STEAP1: variants seen among roughly 807,000 people sequenced by gnomAD.
STEAP1 encodes STEAP1 protein.
Under a neutral mutation model 34.4 loss-of-function variants are expected in STEAP1, and 30 were observed. That is an observed-to-expected ratio of 0.87 (90% CI 0.65 to 1.18). The LOEUF is 1.18. Among genes scored for constraint, STEAP1 ranks in the 50% most tolerant of loss-of-function variants. The pLI, the probability that STEAP1 is intolerant of heterozygous loss-of-function variation, is 0.00. For missense variants in STEAP1, 318 were observed against 391.1 expected, an observed-to-expected ratio of 0.81 and a Z score of 1.58; for synonymous variants, 116 against 135.3, an observed-to-expected ratio of 0.86 and a Z score of 0.99.
At chr7:90,159,683 T>G in intron 1 of STEAP1, 75 bp from the exon 2 acceptor site, 1 of 818,598 alleles carries the variant, frequency 1.2e-6, no homozygotes. Flanking sequence ...AGTAAGTAAA[T>G]TTTTTATATT....
intron 1 of STEAP1, among the ~76,000 whole-genome samples, chr7:90,157,495 A>G (rs372334406): frequency 2.1e-3 from 320 of 152,342 alleles, no homozygotes; most frequent in African/African-American, 7.2e-3. Context: ...AAGCCAATCA[A>G]TGGGAAAACA....
chr7:90,163,062 C>T (rs755593172), intron 4 of STEAP1: 1 of 406,674 alleles, frequency 2.5e-6, no homozygotes, highest in South Asian at 1.8e-5. Flanking sequence ...CAGTCATGAA[C>T]ACTGCCAATT....
At position 90,161,247 on chromosome 7, in the gene STEAP1, C is replaced by G; in HGVS notation, c.527C>G (p.Ala176Gly). 2 of 1,614,090 alleles carry G rather than the reference C, an allele frequency of 1.2e-6. No individual in the cohort carries two copies. The highest frequency in any genetic ancestry group is 2.2e-5 in the East Asian group (1 of 44,876). ...LLSFFFAVLH[A>G]IYSLSYPMRR... ...AGTTTCTTTTTTGCTGTACTGCATG[C>G]AATTTATAGTCTGTCTTACCCAATG... is the stretch of plus-strand genomic sequence containing the variant. The change falls in exon 3 of 5, where the codon GCA becomes GGA. Residue 176 changes from alanine (A) to glycine (G), a missense_variant. Physicochemically the swap from Ala to Gly is moderately conservative, Grantham distance 60. Transcript: ENST00000297205.
Position 90,162,007 on chromosome 7 carries a change from G to A in STEAP1, c.691G>A (p.Ala231Thr), listed in dbSNP as rs1175312589. 6.2e-7 allele frequency: 1 copy of A among 1,613,858 alleles called. No homozygotes were observed. Residue 231 changes from alanine (A) to threonine (T), a missense_variant, in exon 4 of 5, where the codon GCT (alanine) becomes ACT (threonine). Transcript: ENST00000297205. The stretch of plus-strand genomic sequence containing the variant: ...GGGAATTGTGGGATTGGCAATACTG[G>A]CTCTGTTGGCTGTGACATCTATTCC... ...SLGIVGLAIL[A>T]LLAVTSIPSV...
intron 1 of STEAP1, 86 bp from the exon 2 acceptor site, chr7:90,159,672 A>C (rs1486401153): frequency 1.5e-6 from 1 of 667,712 alleles, no homozygotes; most frequent in Non-Finnish European, 2.2e-6. Context: ...TCTAGTCTTT[A>C]AGTAAGTAAA....
chr7:90,157,637 T>C lies in STEAP1; in HGVS notation c.-31-2121T>C, dbSNP rs528301202. ...CTCCAAATGGAGGAAATGTTTTAAATCAGAAAAGAATGTGGGCAAACTAAA... is the reference window on the plus strand; with the variant it reads ...CTCCAAATGGAGGAAATGTTTTAAACCAGAAAAGAATGTGGGCAAACTAAA... On this transcript the variant is annotated intron_variant, in intron 1 of 4. Transcript: ENST00000297205. Among the ~76,000 whole-genome samples the C allele has an allele frequency of 6.4e-3, 971 of 152,248 alleles. 11 individuals carry two copies. The highest frequency in any genetic ancestry group is 0.021 in the African/African-American group (864 of 41,540).
Position 90,160,961 on chromosome 7 carries a change from A to G in STEAP1, c.241A>G (p.Ile81Val). Residue 81 changes from isoleucine to valine, a missense_variant, in exon 3 of 5, where the codon ATA becomes GTA. Physicochemically the swap from Ile to Val is conservative, Grantham distance 29 (BLOSUM62 3). Transcript: ENST00000297205. ...CTTGCCAATTAAAATAGCTGCTATT[A>G]TAGCATCTCTGACTTTTCTTTACAC... is the stretch of plus-strand genomic sequence containing the variant. ...WHLPIKIAAI[I>V]ASLTFLYTLL... is the part of the protein sequence containing the mutation. 7 of 1,614,044 alleles carry G rather than the reference A, an allele frequency of 4.3e-6. No homozygotes were observed. Among genetic ancestry groups the G allele is most frequent in the Non-Finnish European group, 5.9e-6 (7 of 1,179,870 alleles).
At chr7:90,161,483 G>A (rs1164055032) in intron 3 of STEAP1, among the ~76,000 whole-genome samples, 166 bp downstream of exon 3, 2 of 152,280 alleles carry the variant, frequency 1.3e-5, no homozygotes, top group South Asian at 2.1e-4. Context: ...TTGGTTGTCA[G>A]TCGGTTTTAT....
chr7:90,163,037 G>A (rs11563328), intron 4 of STEAP1: 63,764 of 427,684 alleles, frequency 0.15, 5,629 homozygotes, highest in Middle Eastern at 0.21. Context: ...AAGATTCAAA[G>A]GACTAAATTT....
intron 1 of STEAP1, among the ~76,000 whole-genome samples, chr7:90,155,269 AAC>A (rs916258429): frequency 1.3e-5 from 2 of 152,196 alleles, no homozygotes; most frequent in Non-Finnish European, 2.9e-5. Context: ...GAAAAAAAAA[AAC>A]AAAAAACTCG....
In STEAP1 at chr7:90,161,315, C is replaced by T. The variant is rs1486283275; in HGVS notation, c.595C>T (p.Gln199Ter). The T allele has an allele frequency of 3.1e-6, 5 of 1,611,262 alleles. No individual in the cohort carries two copies. Among genetic ancestry groups the T allele is most frequent in the Non-Finnish European group, 4.2e-6 (5 of 1,178,240 alleles). ...CAAGTTGCTAAACTGGGCATATCAA[C>T]AGGTAAGATGACAGTGTTGACACTG... The part of the protein sequence containing the change: ...RYKLLNWAYQ[Q>*]VQQNKEDAWI... The change falls in exon 3 of 5, where the codon CAG becomes TAG. Residue 199 changes from glutamine to a stop codon, truncating the protein, a stop_gained and splice_region_variant. Coordinates refer to ENST00000297205, the MANE Select transcript of STEAP1 (RefSeq NM_012449.3). LOFTEE classifies it high-confidence loss of function.
At position 90,164,787 on chromosome 7, in the gene STEAP1, A is replaced by G. The variant is rs539789436; in HGVS notation, c.*53A>G. On this transcript the variant is annotated 3_prime_UTR_variant, in exon 5 of 5. Coordinates refer to ENST00000297205, the MANE Select transcript of STEAP1 (RefSeq NM_012449.3). ...AATATTGATATATTTTATCACCAAC[A>G]TTTCAAGTTTGTATTTGTTAATAAA... 2.3e-5 allele frequency: 34 copies of G among 1,470,510 alleles called. 1 individual carries two copies. In the South Asian group the frequency reaches 4.1e-4, roughly 18 times the overall value. 91.1% of individuals were successfully genotyped at this position (1,470,510 alleles called of 1,614,324 possible).
intron 2 of STEAP1, among the ~76,000 whole-genome samples, chr7:90,160,499 G>T (rs1177831962): frequency 2.0e-5 from 3 of 149,848 alleles, no homozygotes; most frequent in Non-Finnish European, 4.4e-5. Context: ...AATTTTAATA[G>T]GGAAAAGTAA....
chr7:90,164,755 T>G lies in STEAP1; in HGVS notation c.*21T>G. ...TGTAGAATTACTGTTTACACACATT[T>G]TTGTTCAATATTGATATATTTTATC... On this transcript the variant is annotated 3_prime_UTR_variant, in exon 5 of 5. Transcript: ENST00000297205. 3 of 1,580,502 alleles carry G rather than the reference T, an allele frequency of 1.9e-6. No homozygotes were observed. The highest frequency in any genetic ancestry group is 2.6e-6 in the Non-Finnish European group (3 of 1,163,802).
chr7:90,162,170 A>T, intron 4 of STEAP1, 92 bp downstream of exon 4: 1 of 1,448,666 alleles, frequency 6.9e-7, no homozygotes, highest in Non-Finnish European at 9.1e-7. Flanking sequence ...AAAAATAACA[A>T]ATGTTTTTCA....
At chr7:90,159,007 G>A (rs1794149658) in intron 1 of STEAP1, among the ~76,000 whole-genome samples, 1 of 152,086 alleles carries the variant, frequency 6.6e-6, no homozygotes, top group South Asian at 2.1e-4. Flanking sequence ...TGTTCCTCTG[G>A]AAATAAATTC....
chr7:90,158,090 C>T (rs1053351583), intron 1 of STEAP1, among the ~76,000 whole-genome samples: 9 of 152,084 alleles, frequency 5.9e-5, no homozygotes, highest in African/African-American at 1.9e-4. Flanking sequence ...ATACATATAT[C>T]GTACAAAAGA....
intron 1 of STEAP1, among the ~76,000 whole-genome samples, chr7:90,158,556 A>G (rs1794144638): frequency 1.3e-5 from 2 of 151,962 alleles, no homozygotes; most frequent in South Asian, 4.2e-4. Flanking sequence ...TTCCACCTCT[A>G]TATCTTGTCC....
In STEAP1 at chr7:90,164,766, T is replaced by C. The variant is rs745806183; in HGVS notation, c.*32T>C. ...TGTTTACACACATTTTTGTTCAATA[T>C]TGATATATTTTATCACCAACATTTC... On this transcript the variant is annotated 3_prime_UTR_variant, in exon 5 of 5. Coordinates refer to ENST00000297205, the MANE Select transcript of STEAP1 (RefSeq NM_012449.3). The C allele has an allele frequency of 8.4e-6, 13 of 1,541,612 alleles. No individual in the cohort carries two copies. The South Asian group carries it at 1.1e-4, about 13-fold the overall frequency.
Sources: gnomAD v4.1 joint callset for allele counts (sites outside exome capture counted in the v4.1 genomes callset) on GRCh38, gnomAD v4.1.1 for gene constraint, MANE v1.5 for transcripts, NCBI Gene and HGNC (gene_info 2026-07-23, HGNC 2026-07-21) for gene names.